ADCY1: variants seen among roughly 807,000 people sequenced by gnomAD.
ADCY1 encodes adenylate cyclase 1.
A neutral mutation model predicts 105.4 loss-of-function variants in ADCY1; 28 were observed. The observed-to-expected ratio is 0.27, with a 90% CI of 0.20 to 0.36. The LOEUF is 0.36. Ranked by LOEUF, ADCY1 falls within the 10% of genes least tolerant of loss-of-function variation. The probability of loss-of-function intolerance (pLI) is 1.00; values close to 1 mark genes in which losing one functional copy is unlikely to be tolerated. For missense variants in ADCY1, 977 were observed against 1,434.2 expected, an observed-to-expected ratio of 0.68 and a Z score of 5.15; for synonymous variants, 655 against 623.8, an observed-to-expected ratio of 1.05 and a Z score of -0.75.
Position 45,575,802 on chromosome 7 carries a change from CG to C in ADCY1, c.639+622del, listed in dbSNP as rs534965150. Among the ~76,000 whole-genome samples the C allele has an allele frequency of 1.3e-4, 20 of 152,390 alleles. No homozygotes were observed. Among genetic ancestry groups the C allele is most frequent in the African/African-American group, 4.6e-4 (19 of 41,606 alleles). ...TCTAGTCCCTGCCGCTGCCACTCGG[CG>C]GTTGCCCTGACCCTGCCTTTTCTGC... On this transcript the variant is annotated intron_variant, in intron 1 of 19. Transcript: ENST00000297323. The surrounding 1 kb of genome is among the most constrained non-coding windows in gnomAD (Gnocchi z 4.7).
intron 4 of ADCY1, among the ~76,000 whole-genome samples, chr7:45,630,260 G>A (rs1019669819): frequency 2.6e-5 from 4 of 152,074 alleles, no homozygotes; most frequent in African/African-American, 9.7e-5. Context: ...AAGTTTTAGT[G>A]TTTATGAAGT....
chr7:45,720,386 G>T lies in ADCY1; in HGVS notation c.*6391G>T, dbSNP rs1053843968. On this transcript the variant is annotated 3_prime_UTR_variant, in exon 20 of 20. Coordinates refer to ENST00000297323, the MANE Select transcript of ADCY1 (RefSeq NM_021116.4). ...AAAAAATTAGCTGGGCGTGTTGGCG[G>T]GAGCCTGTAGTCCCAGCTACACGGG... 1 of 152,076 alleles carries T rather than the reference G, an allele frequency of 6.6e-6. No individual in the cohort carries two copies. The highest frequency in any genetic ancestry group is 1.5e-5 in the Non-Finnish European group (1 of 68,070). 9.4% of individuals were successfully genotyped at this position (152,076 alleles called of 1,614,324 possible). A position where few individuals can be genotyped will look rare whatever the true frequency, so the allele number is the denominator to read the frequency against.
At chr7:45,632,773 T>C (rs542115067) in intron 4 of ADCY1, among the ~76,000 whole-genome samples, 24 of 152,192 alleles carry the variant, frequency 1.6e-4, no homozygotes, top group African/African-American at 5.5e-4. Flanking sequence ...TCTCACCATG[T>C]TGCCCAGGCT....
Position 45,686,631 on chromosome 7 carries a change from G to A in ADCY1, c.2412G>A (p.Gln804=). 6.2e-7 allele frequency: 1 copy of A among 1,613,436 alleles called. No individual in the cohort carries two copies. ...FSCALALHAR[Q]VDIRLRLDYL... ...GTGCGCTGGCCCTGCATGCCAGGCA[G>A]GTGGACATCAGGCTGAGGCTGGACT... The change falls in exon 14 of 20, where the codon CAG becomes CAA. Residue 804 remains glutamine (Q), a synonymous_variant. Transcript: ENST00000297323. The surrounding 1 kb of genome is among the most constrained non-coding windows in gnomAD (Gnocchi z 4.3).
At chr7:45,675,711 A>G (rs1381576929) in intron 8 of ADCY1, among the ~76,000 whole-genome samples, 1 of 152,120 alleles carries the variant, frequency 6.6e-6, no homozygotes, top group Non-Finnish European at 1.5e-5. Context: ...TTCTGAAGAA[A>G]TGATGCTATC....
At chr7:45,631,795 T>C (rs1794266419) in intron 4 of ADCY1, among the ~76,000 whole-genome samples, 1 of 152,230 alleles carries the variant, frequency 6.6e-6, no homozygotes, top group Non-Finnish European at 1.5e-5. Flanking sequence ...TTGCCAGCTA[T>C]CTAAGCCAAG....
rs1189707139 is a variant in ADCY1 at position 45,711,644 on chromosome 7, T to TATAC, written c.3057+993_3057+994insTACA. ...ATATATATATATATATATATATATA[T>TATAC]ACACACACACACGTATGTATACACA... is the stretch of plus-strand genomic sequence containing the variant. On this transcript the variant is annotated intron_variant, in intron 19 of 19. Coordinates refer to ENST00000297323, the MANE Select transcript of ADCY1 (RefSeq NM_021116.4). Among the ~76,000 whole-genome samples the TATAC allele has an allele frequency of 8.1e-3, 417 of 51,256 alleles. 6 individuals are homozygous for TATAC. Among genetic ancestry groups the TATAC allele is most frequent in the African/African-American group, 0.026 (390 of 14,896 alleles). 33.6% of individuals were successfully genotyped at this position (51,256 alleles called of 152,430 possible).
Position 45,704,533 on chromosome 7 carries a change from T to G in ADCY1, c.2734T>G (p.Phe912Val). The change falls in exon 17 of 20, where the codon TTT (phenylalanine) becomes GTT (valine). Residue 912 changes from phenylalanine (F) to valine (V), a missense_variant. By Grantham distance (50) the Phe-to-Val change is conservative (BLOSUM62 -1). This residue lies in a region of ADCY1 where 152 missense variants were observed against 293.7 expected (regional missense o/e 0.52). Coordinates refer to ENST00000297323, the MANE Select transcript of ADCY1 (RefSeq NM_021116.4). ...ADFDELMEKD[F>V]YKDIEKIKTI... ...TTAAACAAAGCTCATGGAAAAAGACTTTTACAAGGACATAGAGAAGATCAA... is the reference window on the plus strand; with the variant it reads ...TTAAACAAAGCTCATGGAAAAAGACGTTTACAAGGACATAGAGAAGATCAA... The G allele has an allele frequency of 6.2e-7, 1 of 1,614,156 alleles. No homozygotes were observed. Among genetic ancestry groups the G allele is most frequent in the Non-Finnish European group, 8.5e-7 (1 of 1,179,980 alleles).
intron 14 of ADCY1, among the ~76,000 whole-genome samples, chr7:45,702,996 T>C (rs1345461331): frequency 6.6e-6 from 1 of 152,116 alleles, no homozygotes. Flanking sequence ...CTAGGACAGG[T>C]GCCCTGCGGG....
At chr7:45,667,126 A>T (rs2116149101) in intron 8 of ADCY1, among the ~76,000 whole-genome samples, 1 of 152,242 alleles carries the variant, frequency 6.6e-6, no homozygotes, top group South Asian at 2.1e-4. Context: ...GAAGCTCTTT[A>T]GTTTAATTAG....
chr7:45,586,117 A>C (rs578250996), intron 1 of ADCY1, among the ~76,000 whole-genome samples: 1 of 152,214 alleles, frequency 6.6e-6, no homozygotes, highest in South Asian at 2.1e-4. Flanking sequence ...TCCTTATGTC[A>C]GATTCTACCA....
At chr7:45,597,336 A>G (rs912896919) in intron 2 of ADCY1, among the ~76,000 whole-genome samples, 6 of 152,170 alleles carry the variant, frequency 3.9e-5, no homozygotes, top group African/African-American at 1.2e-4. Context: ...CTGTTTACGC[A>G]TTGGATGCTT....
chr7:45,660,315 G>T, intron 7 of ADCY1, 132 bp downstream of exon 7: 2 of 1,279,458 alleles, frequency 1.6e-6, no homozygotes, highest in Non-Finnish European at 2.2e-6. Flanking sequence ...AAGATGGGGA[G>T]AGTTGTCCCC....
At chr7:45,669,786 CT>C (rs1481394894) in intron 8 of ADCY1, among the ~76,000 whole-genome samples, 2 of 152,190 alleles carry the variant, frequency 1.3e-5, no homozygotes, top group East Asian at 3.8e-4. Flanking sequence ...TTGGTCCACA[CT>C]TTTTGAAACT....
chr7:45,691,615 T>C, intron 14 of ADCY1, among the ~76,000 whole-genome samples: 1 of 152,244 alleles, frequency 6.6e-6, no homozygotes, highest in African/African-American at 2.4e-5. Context: ...CAGTGTCATT[T>C]CTTTCTTTGC....
chr7:45,623,798 G>T (rs927771953), intron 4 of ADCY1, among the ~76,000 whole-genome samples: 2 of 152,144 alleles, frequency 1.3e-5, no homozygotes, highest in Non-Finnish European at 2.9e-5. Flanking sequence ...CTCCTCTTTC[G>T]AAGAGGGAAG....
intron 8 of ADCY1, among the ~76,000 whole-genome samples, chr7:45,674,654 G>T (rs1784424298): frequency 6.6e-6 from 1 of 152,216 alleles, no homozygotes; most frequent in African/African-American, 2.4e-5. Flanking sequence ...TTACAGGCGT[G>T]AGCCACAGCG....
In ADCY1 at chr7:45,628,679, C is replaced by A. The variant is rs568879689; in HGVS notation, c.1020+5936C>A. 8.5e-5 allele frequency among the ~76,000 whole-genome samples: 13 copies of A among 152,284 alleles called. 2 individuals carry two copies. The South Asian group carries it at 2.7e-3, about 32-fold the overall frequency. On this transcript the variant is annotated intron_variant, in intron 4 of 19. Transcript: ENST00000297323. The stretch of plus-strand genomic sequence containing the variant: ...CTTTTTGAATACAAAGGGAATCTGT[C>A]AATTTTCCTAGGAAAGGTTTACATA...
rs76604852 is a variant in ADCY1 at position 45,623,496 on chromosome 7, T to C, written c.1020+753T>C. 8.9e-4 allele frequency among the ~76,000 whole-genome samples: 135 copies of C among 152,256 alleles called. 2 individuals are homozygous for C. In the East Asian group the frequency reaches 0.021, roughly 24 times the overall value. ...CCACAGAATGTGCTGTGTTTAGAGATAGGACATGTCGGGCTGGGATCTGAG... is the reference window on the plus strand; with the variant it reads ...CCACAGAATGTGCTGTGTTTAGAGACAGGACATGTCGGGCTGGGATCTGAG... On this transcript the variant is annotated intron_variant, in intron 4 of 19. Coordinates refer to ENST00000297323, the MANE Select transcript of ADCY1 (RefSeq NM_021116.4).
Sources: allele counts gnomAD v4.1 joint callset (sites outside exome capture counted in the v4.1 genomes callset), GRCh38; gene constraint gnomAD v4.1.1; regional missense constraint gnomAD v4.1.1; non-coding constraint Gnocchi (gnomAD v3.1); transcripts MANE v1.5; gene names NCBI Gene and HGNC (gene_info 2026-07-23, HGNC 2026-07-21).